The following SYNJ1 variants were observed in gnomAD, a reference collection of about 807,000 sequenced individuals.
SYNJ1 encodes polyphosphatidylinositol phosphatase SYNJ1.
A neutral mutation model predicts 168.2 loss-of-function variants in SYNJ1; 78 were observed. That is an observed-to-expected ratio of 0.46 (90% confidence interval 0.39 to 0.56). The LOEUF (loss-of-function observed/expected upper bound fraction) is 0.56. SYNJ1 is among the 20% of genes least tolerant of loss of function. The pLI, the probability that SYNJ1 is intolerant of heterozygous loss-of-function variation, is 0.00. For synonymous variants in SYNJ1, 539 were observed against 548.6 expected (o/e 0.98, Z 0.24); for missense variants, 1,303 against 1,597.6 (o/e 0.82, Z 3.14).
intron 27 of SYNJ1, 74 bp downstream of exon 27, chr21:32,643,336 G>C: frequency 6.8e-7 from 1 of 1,474,198 alleles, no homozygotes; most frequent in Non-Finnish European, 9.4e-7. Context: ...AAACACTGCG[G>C]GGTGGGGAGG....
chr21:32,639,046 C>G lies in SYNJ1; in HGVS notation c.3777G>C (p.Arg1259Ser). Residue 1259 changes from arginine to serine, a missense_variant, in exon 31 of 33, where the codon AGG (arginine) becomes AGC (serine). Around this residue, in one of 2 missense-constraint regions of SYNJ1, gnomAD observed 383 missense variants for 388.8 expected, o/e 0.99. Coordinates refer to ENST00000674351, the MANE Select transcript of SYNJ1 (RefSeq NM_203446.3). Reference protein sequence around the residue: ...PQSSLPPPAQRLQEPLVPVAA... With the variant: ...PQSSLPPPAQSLQEPLVPVAA... ...CCACAGGGACAAGAGGCTCTTGCAA[C>G]CTTTGAGCAGGCGGGGGCAAAGAAG... 1 of 1,613,932 alleles carries G rather than the reference C, an allele frequency of 6.2e-7. No homozygotes were observed. Among genetic ancestry groups the G allele is most frequent in the Non-Finnish European group, 8.5e-7 (1 of 1,179,910 alleles).
At chr21:32,643,355 T>A in intron 27 of SYNJ1, 55 bp downstream of exon 27, 2 of 1,591,674 alleles carry the variant, frequency 1.3e-6, no homozygotes, top group African/African-American at 1.3e-5. Context: ...GGTGGGGCGC[T>A]GACACTGAGA....
Position 32,726,647 on chromosome 21 carries a change from G to A in SYNJ1, c.124+125C>T. 4.8e-6 allele frequency: 6 copies of A among 1,260,250 alleles called. No homozygotes were observed. The South Asian group carries it at 9.8e-5, about 21-fold the overall frequency. 78.1% of individuals were successfully genotyped at this position (1,260,250 alleles called of 1,614,324 possible). A position where few individuals can be genotyped will look rare whatever the true frequency, so the allele number is the denominator to read the frequency against. On this transcript the variant is annotated intron_variant, in intron 2 of 32. Transcript: ENST00000674351. ...TAAGTTTGATTAAAAGGAAATACAA[G>A]CATAATCTGCTAGAGGAAATACAGT...
chr21:32,642,189 T>G, intron 27 of SYNJ1, 56 bp from the exon 28 acceptor site: 1 of 1,597,098 alleles, frequency 6.3e-7, no homozygotes, highest in East Asian at 2.2e-5. Context: ...TAAGCAATAT[T>G]GCATAACATC....
chr21:32,657,670 A>G (rs2040511706), intron 19 of SYNJ1, 46 bp downstream of exon 19: 6 of 1,515,502 alleles, frequency 4.0e-6, no homozygotes, highest in Non-Finnish European at 5.3e-6. Flanking sequence ...CTGCTTCCTC[A>G]TAAGTTTACA....
At chr21:32,663,417 C>T (rs548605370) in intron 18 of SYNJ1, among the ~76,000 whole-genome samples, 104 of 152,258 alleles carry the variant, frequency 6.8e-4, no homozygotes, top group African/African-American at 2.4e-3. Context: ...AGTTGCAAAC[C>T]GTGTGGACCC....
chr21:32,714,973 C>CA (rs1569131120), intron 2 of SYNJ1, among the ~76,000 whole-genome samples: 1 of 152,164 alleles, frequency 6.6e-6, no homozygotes, highest in East Asian at 1.9e-4. Flanking sequence ...TTCAACCCAG[C>CA]TCTCATCAAT....
intron 6 of SYNJ1, among the ~76,000 whole-genome samples, chr21:32,689,097 A>T (rs529719371): frequency 2.0e-5 from 3 of 152,338 alleles, no homozygotes; most frequent in Admixed American, 2.0e-4. Context: ...TACACAGGAG[A>T]ATAGCAGAGA....
intron 14 of SYNJ1, 100 bp from the exon 15 acceptor site, chr21:32,670,472 C>T: frequency 1.1e-6 from 1 of 903,838 alleles, no homozygotes; most frequent in Non-Finnish European, 1.7e-6. Flanking sequence ...AGACTGATTT[C>T]TGTGTTTTGA....
rs1026440436 is a variant in SYNJ1 at position 32,629,369 on chromosome 21, T to C, written c.*2436A>G. 11 of 152,596 alleles carry C rather than the reference T, an allele frequency of 7.2e-5. No individual in the cohort carries two copies. The highest frequency in any genetic ancestry group is 1.2e-4 in the Non-Finnish European group (8 of 68,016). The allele number at this position is 152,596 out of a possible 1,614,324, so 9.5% of individuals were successfully genotyped here. On this transcript the variant is annotated 3_prime_UTR_variant, in exon 33 of 33. Transcript: ENST00000674351. ...ATTAGAACCTCCAAAAAGCACAATATAAAACTCACAAGAGTTATTTCTAAC... is the reference window on the plus strand; with the variant it reads ...ATTAGAACCTCCAAAAAGCACAATACAAAACTCACAAGAGTTATTTCTAAC...
chr21:32,660,236 T>C (rs983170556), intron 18 of SYNJ1, among the ~76,000 whole-genome samples: 1 of 152,206 alleles, frequency 6.6e-6, no homozygotes, highest in Non-Finnish European at 1.5e-5. Flanking sequence ...CTGGCAGCAA[T>C]GGCCCTGTTA....
At chr21:32,652,847 T>C (rs1054824003) in intron 22 of SYNJ1, among the ~76,000 whole-genome samples, 2 of 152,242 alleles carry the variant, frequency 1.3e-5, no homozygotes, top group Non-Finnish European at 2.9e-5. Flanking sequence ...AATTTAGTTA[T>C]GTTTGAAGAA....
chr21:32,676,958 G>A (rs1206804033), intron 12 of SYNJ1, among the ~76,000 whole-genome samples: 3 of 152,146 alleles, frequency 2.0e-5, no homozygotes, highest in Non-Finnish European at 4.4e-5. Flanking sequence ...ATAGTAGCAA[G>A]ACATTATACA....
In SYNJ1 at chr21:32,728,007, C is replaced by T. The variant is rs1444819061; in HGVS notation, c.-84G>A. On this transcript the variant is annotated 5_prime_UTR_variant, in exon 1 of 33. Transcript: ENST00000674351. ...CCGCCGCCACAGCCGCCGGGAGCGT[C>T]ACTTCCGCTCCAGCAGGCCCATCTC... The T allele has an allele frequency of 3.3e-6, 5 of 1,536,220 alleles. No individual in the cohort carries two copies. The East Asian group carries it at 7.4e-5, about 23-fold the overall frequency.
chr21:32,657,092 A>G lies in SYNJ1; in HGVS notation c.2490T>C (p.Ser830=). 1.2e-6 allele frequency: 2 copies of G among 1,613,760 alleles called. No individual in the cohort carries two copies. The highest frequency in any genetic ancestry group is 1.1e-5 in the South Asian group (1 of 91,080). The change falls in exon 20 of 33, where the codon AGT becomes AGC. Residue 830 remains serine (S), a synonymous_variant. Transcript: ENST00000674351. ...SAEDLDLLNA[S]FQDESKILYT... is the part of the protein sequence containing the mutation. ...ACAGAATTTTGCTTTCATCTTGAAA[A>G]CTAGCATTTAGAAGATCTAGATCTT...
upstream of SYNJ1, chr21:32,728,197 C>A: frequency 1.2e-6 from 1 of 868,490 alleles, no homozygotes; most frequent in Non-Finnish European, 1.7e-6. Context: ...TGCGGCCGCC[C>A]CCAGGCAGAG....
chr21:32,678,263 C>G (rs2041488896), intron 12 of SYNJ1, among the ~76,000 whole-genome samples: 1 of 152,048 alleles, frequency 6.6e-6, no homozygotes, highest in African/African-American at 2.4e-5. Flanking sequence ...TAAAAAATAA[C>G]CAATATAGGC....
chr21:32,689,577 G>A (rs1342478580), intron 6 of SYNJ1, among the ~76,000 whole-genome samples: 2 of 152,270 alleles, frequency 1.3e-5, no homozygotes, highest in Non-Finnish European at 2.9e-5. Context: ...TTACAGGCAT[G>A]AGCCACCGCG....
intron 6 of SYNJ1, among the ~76,000 whole-genome samples, chr21:32,692,896 T>A (rs1305303087): frequency 1.3e-5 from 2 of 151,920 alleles, no homozygotes; most frequent in African/African-American, 4.8e-5. Flanking sequence ...CAAAAAATAG[T>A]GGTATGTGCC....
Sources: allele counts gnomAD v4.1 joint callset (sites outside exome capture counted in the v4.1 genomes callset), GRCh38; gene constraint gnomAD v4.1.1; regional missense constraint gnomAD v4.1.1; transcripts MANE v1.5; gene names NCBI Gene and HGNC (gene_info 2026-07-23, HGNC 2026-07-21).